FAM120C: variants seen among roughly 807,000 people sequenced by gnomAD.
The protein encoded by FAM120C is family with sequence similarity 120 member C, also known as constitutive coactivator of PPAR-gamma-like protein 2.
A neutral mutation model predicts 71.2 loss-of-function variants in FAM120C; 14 were observed. That is an observed-to-expected ratio of 0.20 (90% CI 0.13 to 0.31). The LOEUF (loss-of-function observed/expected upper bound fraction) is 0.31. Ranked by LOEUF, FAM120C falls within the 10% of genes least tolerant of loss-of-function variation. The pLI is 1.00. For synonymous variants in FAM120C, 354 were observed against 353.2 expected, an observed-to-expected ratio of 1.00 and a Z score of -0.03; for missense variants, 500 against 879.0, an observed-to-expected ratio of 0.57 and a Z score of 5.45.
chrX:54,183,219 C>A lies in FAM120C; in HGVS notation c.-21G>T, dbSNP rs1557137941. 4.7e-6 allele frequency: 5 copies of A among 1,053,547 alleles called. No individual in the cohort carries two copies. The highest frequency in any genetic ancestry group is 6.1e-6 in the Non-Finnish European group (5 of 816,554). 86.8% of individuals were successfully genotyped at this position (1,053,547 alleles called of 1,213,427 possible). On this transcript the variant is annotated 5_prime_UTR_variant, in exon 1 of 16. Coordinates refer to ENST00000375180, the MANE Select transcript of FAM120C (RefSeq NM_017848.6). ...CCCATGCTTCGTCGGTGGGCAGACG[C>A]GATAGCGGCTGCGCAAGCAGGATAG...
chrX:54,130,053 G>A (rs1557129023), intron 9 of FAM120C, among the ~76,000 whole-genome samples: 1 of 92,605 alleles, frequency 1.1e-5, no homozygotes, highest in African/African-American at 4.0e-5. Context: ...GAGAGGGAGA[G>A]GGAGAGGGAC....
chrX:54,082,290 T>C (rs1557121427), intron 13 of FAM120C, among the ~76,000 whole-genome samples: 1 of 111,297 alleles, frequency 9.0e-6, no homozygotes, highest in Non-Finnish European at 1.9e-5. Context: ...CTTTACCAAG[T>C]ATGGTGCAGG....
intron 1 of FAM120C, among the ~76,000 whole-genome samples, chrX:54,178,479 A>G: frequency 8.9e-6 from 1 of 111,844 alleles, no homozygotes; most frequent in East Asian, 2.8e-4. Flanking sequence ...TAGAACAATA[A>G]TTTTTATCCA....
intron 10 of FAM120C, among the ~76,000 whole-genome samples, chrX:54,106,141 G>A (rs1296426466): frequency 9.0e-6 from 1 of 111,558 alleles, no homozygotes; most frequent in Non-Finnish European, 1.9e-5. Context: ...GAGGCATCAT[G>A]CTACCTGACT....
chrX:54,116,056 G>A (rs1168692450), intron 10 of FAM120C, among the ~76,000 whole-genome samples: 2 of 111,266 alleles, frequency 1.8e-5, no homozygotes, highest in Non-Finnish European at 3.8e-5. Context: ...ACTCCAACCT[G>A]GGCAACAAGA....
intron 1 of FAM120C, among the ~76,000 whole-genome samples, chrX:54,180,972 TAAAG>T (rs1557137306): frequency 9.2e-6 from 1 of 108,713 alleles, no homozygotes; most frequent in Non-Finnish European, 1.9e-5. Flanking sequence ...TGGCCATGAA[TAAAG>T]AATCTACCTT....
rs1249888200 is a variant in FAM120C at position 54,071,939 on chromosome X, T to C, written c.*1094A>G. The stretch of plus-strand genomic sequence containing the variant: ...AAATCCTCTGGGACATCACCATGTA[T>C]GTATGTATGTATGTATGTATGTATG... On this transcript the variant is annotated 3_prime_UTR_variant, in exon 16 of 16. Coordinates refer to ENST00000375180, the MANE Select transcript of FAM120C (RefSeq NM_017848.6). The C allele has an allele frequency of 2.0e-5, 2 of 101,217 alleles. No homozygotes were observed. Among genetic ancestry groups the C allele is most frequent in the East Asian group, 6.3e-4 (2 of 3,167 alleles). The allele number at this position is 101,217 out of a possible 1,213,427, so 8.3% of individuals were successfully genotyped here.
chrX:54,135,668 C>T (rs782560905), intron 5 of FAM120C, 64 bp from the exon 6 acceptor site: 52 of 901,729 alleles, frequency 5.8e-5, no homozygotes, highest in Non-Finnish European at 5.6e-5. Context: ...TTATATTCTG[C>T]TCACCCCATA....
intron 10 of FAM120C, among the ~76,000 whole-genome samples, chrX:54,096,110 A>G (rs1321374306): frequency 7.1e-5 from 8 of 111,918 alleles, no homozygotes; most frequent in African/African-American, 2.6e-4. Context: ...CAAGAAAAAA[A>G]TATTAATAAG....
Position 54,151,338 on chromosome X carries a change from G to A in FAM120C, c.1065C>T (p.Asp355=), listed in dbSNP as rs199613759. 180 of 1,208,075 alleles carry A rather than the reference G, an allele frequency of 1.5e-4. No individual in the cohort carries two copies. The highest frequency in any genetic ancestry group is 3.2e-4 in the South Asian group (18 of 56,399). Reference sequence around the variant, plus strand: ...ACTCAGAAACAGCCTTGATCACCACGTCACAGGGAGGAAGAACCAGCTGAT... The same window carrying A: ...ACTCAGAAACAGCCTTGATCACCACATCACAGGGAGGAAGAACCAGCTGAT... ...RAHQLVLPPC[D]VVIKAVSEYV... The change falls in exon 4 of 16, where the codon GAC becomes GAT. Residue 355 remains aspartate (D), a synonymous_variant. Coordinates refer to ENST00000375180, the MANE Select transcript of FAM120C (RefSeq NM_017848.6).
intron 4 of FAM120C, among the ~76,000 whole-genome samples, chrX:54,137,310 C>T: frequency 8.9e-6 from 1 of 111,999 alleles, no homozygotes; most frequent in Non-Finnish European, 1.9e-5. Flanking sequence ...AACAATCCTC[C>T]TGCCTCAGCT....
chrX:54,150,081 T>C (rs781802936), intron 4 of FAM120C, among the ~76,000 whole-genome samples: 1 of 112,007 alleles, frequency 8.9e-6, no homozygotes, highest in Admixed American at 9.6e-5. Context: ...TTATCTTCCA[T>C]TGAGGAAGAA....
At chrX:54,118,043 G>C (rs782287233) in intron 9 of FAM120C, among the ~76,000 whole-genome samples, 1 of 110,478 alleles carries the variant, frequency 9.1e-6, no homozygotes, top group South Asian at 3.9e-4. Context: ...GACCAACATG[G>C]AGAAACCCCA....
intron 2 of FAM120C, among the ~76,000 whole-genome samples, chrX:54,158,693 T>C (rs2516045): frequency 0.027 from 3,032 of 111,071 alleles, 108 homozygotes; most frequent in African/African-American, 0.096. Context: ...CACTTGAACC[T>C]GGGAGGCGGA....
chrX:54,104,822 A>G (rs1236321906), intron 10 of FAM120C, among the ~76,000 whole-genome samples: 2 of 110,415 alleles, frequency 1.8e-5, no homozygotes, highest in Non-Finnish European at 3.8e-5. Flanking sequence ...GGGGAAAAAA[A>G]AGAAAAAGAA....
At chrX:54,098,515 T>C (rs1353144144) in intron 10 of FAM120C, among the ~76,000 whole-genome samples, 4 of 112,290 alleles carry the variant, frequency 3.6e-5, no homozygotes, top group Admixed American at 9.5e-5. Context: ...TTTTTGATTA[T>C]AGCAACTGAA....
At chrX:54,081,589 A>AGGGTTTCACCATGT in intron 13 of FAM120C, 129 bp from the exon 14 acceptor site, 3 of 656,039 alleles carry the variant, frequency 4.6e-6, no homozygotes, top group Non-Finnish European at 6.7e-6. Context: ...CCTAGCCAAC[A>AGGGTTTCACCATGT]TGGTGAAACC....
intron 10 of FAM120C, among the ~76,000 whole-genome samples, chrX:54,101,758 C>A (rs782170530): frequency 9.0e-4 from 101 of 111,943 alleles, no homozygotes; most frequent in Non-Finnish European, 1.6e-3. Context: ...ATTTCCAATA[C>A]CTCGCTCATC....
chrX:54,159,336 C>T (rs1557134090), intron 2 of FAM120C, 34 bp downstream of exon 2: 3 of 1,207,538 alleles, frequency 2.5e-6, no homozygotes, highest in Admixed American at 4.4e-5. Flanking sequence ...GAGGAAACTA[C>T]CAATCACTGC....
Sources: allele counts gnomAD v4.1 joint callset (sites outside exome capture counted in the v4.1 genomes callset), GRCh38; gene constraint gnomAD v4.1.1; transcripts MANE v1.5; gene names NCBI Gene and HGNC (gene_info 2026-07-23, HGNC 2026-07-21).